Variants in THSD7A observed in about 807,000 individuals in gnomAD.
THSD7A encodes the protein thrombospondin type-1 domain-containing protein 7A.
In THSD7A, 96 loss-of-function variants were observed where a neutral mutation model predicts 231.3. The ratio of observed to expected loss-of-function variants is 0.41; its 90% CI spans 0.35 to 0.49. THSD7A has a LOEUF of 0.49. THSD7A is among the 20% of genes least tolerant of loss of function. The pLI is 0.05. For missense variants in THSD7A, 2,290 were observed against 2,070.2 expected (o/e 1.11, Z -2.06); for synonymous variants, 940 against 743.3 (o/e 1.26, Z -4.30).
rs1250183410 is a variant in THSD7A, at chr7:11,634,406, C to G, written c.1022+1724G>C. 6.6e-6 allele frequency among the ~76,000 whole-genome samples: 1 copy of G among 151,992 alleles called. No homozygotes were observed. Among genetic ancestry groups the G allele is most frequent in the Non-Finnish European group, 1.5e-5 (1 of 67,992 alleles). On this transcript the variant is annotated intron_variant, in intron 2 of 27. Coordinates refer to ENST00000423059, the MANE Select transcript of THSD7A (RefSeq NM_015204.3). The surrounding 1 kb of genome is among the most constrained non-coding windows in gnomAD (Gnocchi z 4.1). ...AATTAAATGTCTACAGCATGCTAAC[C>G]CAGTGATAGCAGGAAACAACTCAAC...
At chr7:11,709,642 C>T (rs1347310891) in intron 1 of THSD7A, among the ~76,000 whole-genome samples, 2 of 150,732 alleles carry the variant, frequency 1.3e-5, no homozygotes, top group African/African-American at 2.4e-5. Flanking sequence ...CATATGTAGT[C>T]GTTTAACTTA....
At position 11,411,250 on chromosome 7, in the gene THSD7A, ACACAAT is replaced by A; in HGVS notation, c.3749_3754del (p.Asp1250_Cys1251del). 6.2e-7 allele frequency: 1 copy of A among 1,613,894 alleles called. No homozygotes were observed. The highest frequency in any genetic ancestry group is 8.5e-7 in the Non-Finnish European group (1 of 1,179,836). On this transcript the variant is annotated inframe_deletion, in exon 19 of 28. Transcript: ENST00000423059. This position sits in a 1 kb window ranked among gnomAD's most constrained non-coding sequence, Gnocchi z 4.1. Reference sequence around the variant, plus strand: ...GTCAACTGACTTGCCATCACTTCGAACACAATCCAACATCCTTGTTTTTATTCCATT... The same window carrying A: ...GTCAACTGACTTGCCATCACTTCGAACCAACATCCTTGTTTTTATTCCATT...
At chr7:11,684,918 A>T (rs1316001649) in intron 1 of THSD7A, among the ~76,000 whole-genome samples, 11 of 152,008 alleles carry the variant, frequency 7.2e-5, no homozygotes, top group Non-Finnish European at 1.2e-4. Context: ...CAACCAAAGC[A>T]ATCCTAAAGA....
At chr7:11,653,560 G>A (rs1014482305) in intron 1 of THSD7A, among the ~76,000 whole-genome samples, 3 of 150,636 alleles carry the variant, frequency 2.0e-5, no homozygotes, top group African/African-American at 7.3e-5. Flanking sequence ...ATTCACAGGT[G>A]CAATCATAGC....
Position 11,634,493 on chromosome 7 carries a change from A to C in THSD7A, c.1022+1637T>G, listed in dbSNP as rs1164662200. On this transcript the variant is annotated intron_variant, in intron 2 of 27. Transcript: ENST00000423059. This position sits in a 1 kb window ranked among gnomAD's most constrained non-coding sequence, Gnocchi z 4.1. ...CAAGTAACTAATATAACTGTAATATACTTCAGGAAAAGAGATAAGAAAATC... is the reference window on the plus strand; with the variant it reads ...CAAGTAACTAATATAACTGTAATATCCTTCAGGAAAAGAGATAAGAAAATC... Among the ~76,000 whole-genome samples the C allele has an allele frequency of 1.3e-5, 2 of 152,158 alleles. No homozygotes were observed. The highest frequency in any genetic ancestry group is 2.9e-5 in the Non-Finnish European group (2 of 68,012).
chr7:11,739,448 T>G (rs565807839), intron 1 of THSD7A, among the ~76,000 whole-genome samples: 3 of 152,072 alleles, frequency 2.0e-5, no homozygotes, highest in African/African-American at 7.2e-5. Context: ...AATATGCATG[T>G]AATATAGGGA....
chr7:11,728,459 A>G (rs1781618916), intron 1 of THSD7A, among the ~76,000 whole-genome samples: 1 of 151,964 alleles, frequency 6.6e-6, no homozygotes, highest in Admixed American at 6.6e-5. Context: ...GAAAACATGA[A>G]TTGAAGGCTG....
intron 14 of THSD7A, among the ~76,000 whole-genome samples, chr7:11,427,599 C>T (rs1211531704): frequency 6.6e-6 from 1 of 151,924 alleles, no homozygotes; most frequent in Non-Finnish European, 1.5e-5. Flanking sequence ...CACATACACG[C>T]TAAAGTGAAA....
At chr7:11,437,584 T>A (rs1323592451) in intron 13 of THSD7A, among the ~76,000 whole-genome samples, 1 of 152,040 alleles carries the variant, frequency 6.6e-6, no homozygotes, top group African/African-American at 2.4e-5. Context: ...ACACTGAAAA[T>A]CTGAAATGCA....
At chr7:11,475,712 A>G (rs544346954) in intron 7 of THSD7A, among the ~76,000 whole-genome samples, 1 of 150,354 alleles carries the variant, frequency 6.7e-6, no homozygotes, top group Non-Finnish European at 1.5e-5. Context: ...TATAATTAAA[A>G]TCATTTAGCT....
At chr7:11,452,333 G>A (rs879756398) in intron 11 of THSD7A, among the ~76,000 whole-genome samples, 2 of 151,988 alleles carry the variant, frequency 1.3e-5, no homozygotes, top group Non-Finnish European at 2.9e-5. Flanking sequence ...ATCCAAGAGG[G>A]CTCCAGTTGT....
intron 1 of THSD7A, among the ~76,000 whole-genome samples, chr7:11,702,660 T>C (rs1291329676): frequency 6.6e-6 from 1 of 151,210 alleles, no homozygotes; most frequent in East Asian, 2.0e-4. Flanking sequence ...TTTGGTTGAA[T>C]GAGAGCTGGG....
At chr7:11,400,177 G>A (rs945141981) in intron 23 of THSD7A, among the ~76,000 whole-genome samples, 1 of 118,052 alleles carries the variant, frequency 8.5e-6, no homozygotes, top group Admixed American at 1.0e-4. Context: ...CGGGGGAGGG[G>A]GGAGGGATAG....
intron 2 of THSD7A, among the ~76,000 whole-genome samples, chr7:11,607,890 C>T (rs1379082957): frequency 1.3e-5 from 2 of 152,102 alleles, no homozygotes; most frequent in Non-Finnish European, 2.9e-5. Flanking sequence ...TCATATGCTC[C>T]CTATGAAAGC....
At chr7:11,628,505 C>G (rs1781545668) in intron 2 of THSD7A, among the ~76,000 whole-genome samples, 1 of 152,156 alleles carries the variant, frequency 6.6e-6, no homozygotes, top group South Asian at 2.1e-4. Flanking sequence ...TCCTGCCAAC[C>G]TCCTTCCAGG....
intron 1 of THSD7A, chr7:11,821,404 T>TA: frequency 2.8e-6 from 1 of 353,550 alleles, no homozygotes; most frequent in Non-Finnish European, 5.3e-6. Flanking sequence ...AAAGCCCTTT[T>TA]TTTTTCTTTT....
intron 1 of THSD7A, among the ~76,000 whole-genome samples, chr7:11,739,766 C>G (rs1782043093): frequency 6.6e-6 from 1 of 151,846 alleles, no homozygotes; most frequent in Non-Finnish European, 1.5e-5. Flanking sequence ...GGTGTTTCTA[C>G]TTTTCTTCTT....
rs143527194 is a variant in THSD7A at position 11,585,426 on chromosome 7, CA to C, written c.1453+5033del. Among the ~76,000 whole-genome samples the C allele has an allele frequency of 5.0e-3, 769 of 152,296 alleles. 6 individuals carry two copies. The highest frequency in any genetic ancestry group is 0.012 in the Admixed American group (182 of 15,292). ...TATACAGTAAGTCCTCATTTAACGT[CA>C]CCAATAGGTTCTTGGAAGCCTTGAC... is the stretch of plus-strand genomic sequence containing the variant. On this transcript the variant is annotated intron_variant, in intron 4 of 27. Coordinates refer to ENST00000423059, the MANE Select transcript of THSD7A (RefSeq NM_015204.3).
intron 23 of THSD7A, among the ~76,000 whole-genome samples, chr7:11,391,969 T>C (rs577246506): frequency 2.6e-5 from 4 of 151,990 alleles, no homozygotes; most frequent in East Asian, 2.0e-4. Context: ...GGTACCTCAA[T>C]TGGAAATGTA....
Sources: gnomAD v4.1 joint callset for allele counts (sites outside exome capture counted in the v4.1 genomes callset) on GRCh38, gnomAD v4.1.1 for gene constraint, Gnocchi (gnomAD v3.1) non-coding constraint, MANE v1.5 for transcripts, NCBI Gene and HGNC (gene_info 2026-07-23, HGNC 2026-07-21) for gene names.